The following TPRG1 variants were observed in gnomAD, a reference collection of about 807,000 sequenced individuals.
TPRG1 encodes tumor protein p63 regulated 1.
A neutral mutation model predicts 29.3 loss-of-function variants in TPRG1; 29 were observed. The observed-to-expected ratio is 0.99, with a 90% CI of 0.74 to 1.35. The LOEUF (loss-of-function observed/expected upper bound fraction) is 1.35, where lower values mean the gene tolerates loss of function less well. TPRG1 is among the 40% of genes most tolerant of loss of function. The pLI is 0.00. For synonymous variants in TPRG1, 130 were observed against 116.8 expected, an observed-to-expected ratio of 1.11 and a Z score of -0.73; for missense variants, 327 against 335.0, an observed-to-expected ratio of 0.98 and a Z score of 0.19.
intron 4 of TPRG1, among the ~76,000 whole-genome samples, chr3:189,072,498 G>A: frequency 6.6e-6 from 1 of 151,780 alleles, no homozygotes; most frequent in Non-Finnish European, 1.5e-5. Context: ...TCCCTTTATG[G>A]CTAGTGTACT....
At chr3:189,148,677 T>C (rs116415989) in intron 4 of TPRG1, among the ~76,000 whole-genome samples, 46 of 152,326 alleles carry the variant, frequency 3.0e-4, no homozygotes, top group Non-Finnish European at 5.3e-4. Flanking sequence ...AGGCAATGAA[T>C]CGGCTCTAGA....
At chr3:188,999,256 C>A (rs1412337694) in intron 1 of TPRG1, among the ~76,000 whole-genome samples, 1 of 152,028 alleles carries the variant, frequency 6.6e-6, no homozygotes, top group East Asian at 1.9e-4. Context: ...ACAGGACTCC[C>A]TGTTGGATTA....
At chr3:189,105,457 G>A (rs1484336867) in intron 1 of TPRG1, among the ~76,000 whole-genome samples, 3 of 151,954 alleles carry the variant, frequency 2.0e-5, no homozygotes, top group Admixed American at 6.6e-5. Flanking sequence ...ATGCATTGAG[G>A]CACACTTTGC....
At chr3:189,113,310 T>C (rs957703562) in intron 1 of TPRG1, among the ~76,000 whole-genome samples, 17 of 152,342 alleles carry the variant, frequency 1.1e-4, no homozygotes, top group African/African-American at 3.6e-4. Context: ...TATACAATCA[T>C]GTCATCTGCA....
intron 5 of TPRG1, chr3:189,313,046 T>TC (rs1722954416): frequency 9.1e-6 from 1 of 109,680 alleles, no homozygotes; most frequent in African/African-American, 3.9e-5. Context: ...CCAAAGCTTT[T>TC]TCTCTTTTTT....
chr3:189,066,275 T>A (rs896143912), intron 4 of TPRG1, among the ~76,000 whole-genome samples: 7 of 152,108 alleles, frequency 4.6e-5, no homozygotes, highest in African/African-American at 1.7e-4. Flanking sequence ...CTTAAACTAT[T>A]TCAATAAATA....
chr3:189,154,689 C>T (rs573775159), intron 5 of TPRG1, among the ~76,000 whole-genome samples: 21 of 152,088 alleles, frequency 1.4e-4, no homozygotes, highest in Non-Finnish European at 1.9e-4. Flanking sequence ...GTGATCCACC[C>T]GCCTCAGCCT....
chr3:189,304,818 G>A (rs1721377064), intron 4 of TPRG1, among the ~76,000 whole-genome samples: 1 of 152,114 alleles, frequency 6.6e-6, no homozygotes, highest in Non-Finnish European at 1.5e-5. Context: ...AAGGTAGGGG[G>A]AAAGGAGACA....
At chr3:189,277,864 A>G (rs1716436204) in intron 4 of TPRG1, among the ~76,000 whole-genome samples, 4 of 152,332 alleles carry the variant, frequency 2.6e-5, no homozygotes, top group Admixed American at 2.6e-4. Flanking sequence ...TGGGGAACTC[A>G]CTACCTCCTC....
chr3:189,172,590 G>A (rs1056621306), intron 1 of TPRG1, among the ~76,000 whole-genome samples: 3 of 152,198 alleles, frequency 2.0e-5, no homozygotes, highest in African/African-American at 7.2e-5. Flanking sequence ...GAAGTGAAAA[G>A]CCTTTCTGAA....
At chr3:189,205,836 T>C (rs549268268) in intron 1 of TPRG1, among the ~76,000 whole-genome samples, 4 of 152,330 alleles carry the variant, frequency 2.6e-5, no homozygotes, top group African/African-American at 9.6e-5. Context: ...TTAAACCATG[T>C]GTGATCATTA....
chr3:189,255,014 T>C (rs1414408993), intron 4 of TPRG1, among the ~76,000 whole-genome samples: 1 of 152,168 alleles, frequency 6.6e-6, no homozygotes, highest in East Asian at 1.9e-4. Flanking sequence ...TACCCTTTAT[T>C]TATTTCTCTT....
intron 5 of TPRG1, among the ~76,000 whole-genome samples, chr3:189,160,057 G>A (rs369347063): frequency 7.2e-5 from 11 of 152,164 alleles, no homozygotes; most frequent in East Asian, 1.9e-4. Context: ...GTGGGTGGTC[G>A]GGGGGTCAAC....
intron 4 of TPRG1, among the ~76,000 whole-genome samples, chr3:189,273,687 C>A (rs914261275): frequency 6.6e-6 from 1 of 152,202 alleles, no homozygotes; most frequent in African/African-American, 2.4e-5. Context: ...AGTATTTCCT[C>A]CTTTATTTCT....
At chr3:189,006,039 T>C (rs1712267533) in intron 3 of TPRG1, among the ~76,000 whole-genome samples, 1 of 152,116 alleles carries the variant, frequency 6.6e-6, no homozygotes, top group Admixed American at 6.6e-5. Flanking sequence ...AATTATATAA[T>C]TCCTAACTCT....
rs550498896 is a variant in TPRG1 at position 189,310,288 on chromosome 3, T to C, written c.480-98T>C. On this transcript the variant is annotated intron_variant, in intron 4 of 5. Coordinates refer to ENST00000345063, the MANE Select transcript of TPRG1 (RefSeq NM_198485.4). ...AAAATCTTTTGAACAGTTTAACTAG[T>C]TGGGAGTTAATATGAAGGCTGACTG... is the stretch of plus-strand genomic sequence containing the variant. 504 of 1,037,242 alleles carry C rather than the reference T, an allele frequency of 4.9e-4. 1 individual carries two copies. In the South Asian group the frequency reaches 0.011, roughly 22 times the overall value. The allele number at this position is 1,037,242 out of a possible 1,614,324, so 64.3% of individuals were successfully genotyped here. A position where few individuals can be genotyped will look rare whatever the true frequency, so the allele number is the denominator to read the frequency against.
At position 189,261,879 on chromosome 3, in the gene TPRG1, G is replaced by A. The variant is rs551170051; in HGVS notation, c.479+22970G>A. ...TGCCCAACTAGTGTGCTCATGTGAAGTCTCCCAGTTGTCTGGGCCCCAACT... is the reference window on the plus strand; with the variant it reads ...TGCCCAACTAGTGTGCTCATGTGAAATCTCCCAGTTGTCTGGGCCCCAACT... On this transcript the variant is annotated intron_variant, in intron 4 of 5. Transcript: ENST00000345063. Among the ~76,000 whole-genome samples the A allele has an allele frequency of 2.0e-5, 3 of 152,294 alleles. No homozygotes were observed. In the South Asian group the frequency reaches 6.2e-4, roughly 32 times the overall value.
In TPRG1 at chr3:189,019,381, C is replaced by G. The variant is rs2152124207; in HGVS notation, c.-659-4369C>G. ...TTGGCCGTGGGTTTGTCGTAGATAG[C>G]TCTTATTATTTTGAAATACGTCCCA... On this transcript the variant is annotated intron_variant, in intron 3 of 10. Transcript: ENST00000433971. Among the ~76,000 whole-genome samples the G allele has an allele frequency of 1.3e-5, 2 of 152,260 alleles. 1 individual carries two copies. Among genetic ancestry groups the G allele is most frequent in the South Asian group, 4.1e-4 (2 of 4,822 alleles).
chr3:189,014,707 T>C (rs905151659), intron 3 of TPRG1, among the ~76,000 whole-genome samples: 4 of 152,166 alleles, frequency 2.6e-5, no homozygotes, highest in African/African-American at 9.7e-5. Context: ...CCCCCTTTGC[T>C]TTCTCTTTCT....
Sources: gnomAD v4.1 joint callset for allele counts (sites outside exome capture counted in the v4.1 genomes callset) on GRCh38, gnomAD v4.1.1 for gene constraint, MANE v1.5 for transcripts, NCBI Gene and HGNC (gene_info 2026-07-23, HGNC 2026-07-21) for gene names.